The following ATRNL1 variants were observed in gnomAD, a reference collection of about 807,000 sequenced individuals.
ATRNL1 encodes attractin-like protein 1.
In ATRNL1, 95 loss-of-function variants were observed where a neutral mutation model predicts 182.7. The ratio of observed to expected loss-of-function variants is 0.52; its 90% confidence interval spans 0.44 to 0.62. ATRNL1 has a LOEUF of 0.62. ATRNL1 is among the 20% of genes least tolerant of loss of function. The pLI is 0.00. For synonymous variants in ATRNL1, 576 were observed against 568.3 expected, an observed-to-expected ratio of 1.01 and a Z score of -0.19; for missense variants, 1,471 against 1,679.5, an observed-to-expected ratio of 0.88 and a Z score of 2.17.
chr10:115,219,679 G>A (rs1387896936), intron 9 of ATRNL1, among the ~76,000 whole-genome samples: 2 of 152,148 alleles, frequency 1.3e-5, no homozygotes, highest in Non-Finnish European at 2.9e-5. Context: ...GAGGCAGGTG[G>A]ATTGCTTGAA....
intron 26 of ATRNL1, among the ~76,000 whole-genome samples, chr10:115,643,788 C>T (rs1236010968): frequency 2.0e-5 from 3 of 152,082 alleles, no homozygotes; most frequent in African/African-American, 4.8e-5. Context: ...CACACATGCA[C>T]ACCCCCAAAC....
intron 1 of ATRNL1, among the ~76,000 whole-genome samples, chr10:115,110,741 T>C (rs1461695586): frequency 1.4e-4 from 21 of 152,366 alleles, no homozygotes; most frequent in African/African-American, 4.8e-4. Flanking sequence ...TCAATGATAC[T>C]GAGTTAACCA....
intron 27 of ATRNL1, among the ~76,000 whole-genome samples, chr10:115,832,977 A>G (rs528119413): frequency 2.6e-5 from 4 of 152,284 alleles, no homozygotes; most frequent in Admixed American, 6.5e-5. Flanking sequence ...AAGTATTTTT[A>G]TGTCCCAGTA....
At chr10:115,241,952 A>T (rs1386056731) in intron 10 of ATRNL1, among the ~76,000 whole-genome samples, 1 of 152,022 alleles carries the variant, frequency 6.6e-6, no homozygotes, top group Non-Finnish European at 1.5e-5. Context: ...ACAAAAAGCT[A>T]GATTTGGATG....
intron 26 of ATRNL1, among the ~76,000 whole-genome samples, chr10:115,697,303 A>G (rs537775349): frequency 1.3e-5 from 2 of 152,266 alleles, no homozygotes; most frequent in African/African-American, 4.8e-5. Flanking sequence ...TTAACAGAAT[A>G]TCACAGTTGG....
intron 26 of ATRNL1, among the ~76,000 whole-genome samples, chr10:115,652,092 G>A (rs1487279835): frequency 3.3e-5 from 5 of 152,010 alleles, no homozygotes; most frequent in Non-Finnish European, 7.4e-5. Flanking sequence ...CTGCAAAGTA[G>A]ACTCCTAAAT....
At chr10:115,223,377 C>T (rs1849546190) in intron 9 of ATRNL1, among the ~76,000 whole-genome samples, 2 of 152,086 alleles carry the variant, frequency 1.3e-5, no homozygotes, top group South Asian at 4.1e-4. Context: ...AAAACTTAGC[C>T]ATCTGCTGCT....
chr10:115,795,667 T>C (rs1949636529), intron 27 of ATRNL1, among the ~76,000 whole-genome samples: 1 of 152,126 alleles, frequency 6.6e-6, no homozygotes, highest in Non-Finnish European at 1.5e-5. Flanking sequence ...ATTACATGGC[T>C]GGCAGGAGAG....
intron 26 of ATRNL1, among the ~76,000 whole-genome samples, chr10:115,558,989 A>G (rs1554998188): frequency 1.3e-5 from 2 of 152,080 alleles, no homozygotes; most frequent in Admixed American, 6.6e-5. Flanking sequence ...CCCCACTTGT[A>G]TGGCAAGAAG....
At chr10:115,368,866 AC>A (rs1857227233) in intron 19 of ATRNL1, among the ~76,000 whole-genome samples, 1 of 151,980 alleles carries the variant, frequency 6.6e-6, no homozygotes, top group South Asian at 2.1e-4. Flanking sequence ...GGTGCCCACC[AC>A]CACGCCTGGC....
At chr10:115,685,500 A>G (rs1946187550) in intron 26 of ATRNL1, among the ~76,000 whole-genome samples, 1 of 151,890 alleles carries the variant, frequency 6.6e-6, no homozygotes, top group South Asian at 2.1e-4. Context: ...AGCTACTGTC[A>G]TCATCACTAG....
chr10:115,708,930 T>C (rs1555053747), intron 26 of ATRNL1, among the ~76,000 whole-genome samples: 1 of 151,884 alleles, frequency 6.6e-6, no homozygotes, highest in African/African-American at 2.4e-5. Flanking sequence ...TATCTCACTT[T>C]TTTTGAAGCA....
intron 20 of ATRNL1, among the ~76,000 whole-genome samples, chr10:115,418,791 A>T (rs1431463014): frequency 6.6e-6 from 1 of 152,322 alleles, no homozygotes; most frequent in South Asian, 2.1e-4. Context: ...GAATGTGACA[A>T]TATATTCAGA....
intron 15 of ATRNL1, among the ~76,000 whole-genome samples, chr10:115,296,073 T>A (rs959480313): frequency 1.2e-4 from 18 of 152,166 alleles, no homozygotes; most frequent in African/African-American, 4.3e-4. Context: ...TAAACTGGGC[T>A]CAGAGCTTGT....
chr10:115,181,152 A>G (rs1847732719), intron 8 of ATRNL1, among the ~76,000 whole-genome samples: 1 of 151,902 alleles, frequency 6.6e-6, no homozygotes, highest in Non-Finnish European at 1.5e-5. Flanking sequence ...CCCATACTTA[A>G]TTTTAGAGCT....
chr10:115,245,787 G>A (rs201869318), intron 10 of ATRNL1, among the ~76,000 whole-genome samples: 9 of 151,772 alleles, frequency 5.9e-5, no homozygotes, highest in East Asian at 1.9e-4. Context: ...CTGTTTATCC[G>A]TATTTCTCTA....
chr10:115,392,099 C>A (rs1844057537), intron 19 of ATRNL1, among the ~76,000 whole-genome samples: 1 of 152,002 alleles, frequency 6.6e-6, no homozygotes, highest in Non-Finnish European at 1.5e-5. Context: ...GAAATCTAGT[C>A]CTTAAATTAG....
At chr10:115,448,434 A>C (rs1207652797) in intron 21 of ATRNL1, among the ~76,000 whole-genome samples, 1 of 152,224 alleles carries the variant, frequency 6.6e-6, no homozygotes, top group Non-Finnish European at 1.5e-5. Context: ...TTGGATAAAT[A>C]ATGAAATTAA....
intron 9 of ATRNL1, among the ~76,000 whole-genome samples, chr10:115,223,773 A>C (rs114953858): frequency 0.012 from 1,768 of 151,156 alleles, 33 homozygotes; most frequent in African/African-American, 0.04. Context: ...AATACAAATT[A>C]ATTGACCACA....
Sources: allele counts gnomAD v4.1 joint callset (sites outside exome capture counted in the v4.1 genomes callset), GRCh38; gene constraint gnomAD v4.1.1; transcripts MANE v1.5; gene names NCBI Gene and HGNC (gene_info 2026-07-23, HGNC 2026-07-21).